LONRF2: variants seen among roughly 807,000 people sequenced by gnomAD.
LONRF2 encodes LON peptidase N-terminal domain and ring finger 2, also known as LON peptidase N-terminal domain and RING finger protein 2.
Under a neutral mutation model 66.6 loss-of-function variants are expected in LONRF2, and 35 were observed. That is an observed-to-expected ratio of 0.53 (90% CI 0.40 to 0.70). The LOEUF (loss-of-function observed/expected upper bound fraction) is 0.70. Among genes scored for constraint, LONRF2 ranks in the 30% least tolerant of loss-of-function variants. The pLI is 0.00. For synonymous variants in LONRF2, 417 were observed against 418.1 expected, an observed-to-expected ratio of 1.00 and a Z score of 0.03; for missense variants, 902 against 1,002.1, an observed-to-expected ratio of 0.90 and a Z score of 1.35.
chr2:100,291,843 T>C (rs1018698404), intron 9 of LONRF2, among the ~76,000 whole-genome samples: 15 of 152,278 alleles, frequency 9.9e-5, no homozygotes, highest in African/African-American at 3.6e-4. Context: ...ACTGTAACTA[T>C]CACCCGTAAC....
Position 100,297,160 on chromosome 2 carries a change from G to A in LONRF2, c.1477-1607C>T, listed in dbSNP as rs188477834. Among the ~76,000 whole-genome samples the A allele has an allele frequency of 3.4e-3, 517 of 150,866 alleles. 2 individuals are homozygous for A. Among genetic ancestry groups the A allele is most frequent in the Non-Finnish European group, 5.8e-3 (390 of 67,774 alleles). On this transcript the variant is annotated intron_variant, in intron 7 of 11. Transcript: ENST00000393437. The stretch of plus-strand genomic sequence containing the variant: ...TTTTTTCTTTTTGAGACAGAGTCTC[G>A]CTCTGTCGCCCGGGCTGGAGTGCAG...
Position 100,280,631 on chromosome 2 carries a change from A to G in LONRF2, c.*3667T>C, listed in dbSNP as rs1025725141. 6.6e-6 allele frequency: 1 copy of G among 152,106 alleles called. No homozygotes were observed. Among genetic ancestry groups the G allele is most frequent in the African/African-American group, 2.4e-5 (1 of 41,404 alleles). 9.4% of individuals were successfully genotyped at this position (152,106 alleles called of 1,614,324 possible). ...TCTACTAAAAAAAAAAAATACAAAA[A>G]TTAGCTGGGTGTGGTGGCGCGTGCC... On this transcript the variant is annotated 3_prime_UTR_variant, in exon 12 of 12. Transcript: ENST00000393437.
rs1280427969 is a variant in LONRF2 at position 100,300,813 on chromosome 2, A to T, written c.922-26T>A. The T allele has an allele frequency of 4.6e-6, 7 of 1,538,168 alleles. No homozygotes were observed. The African/African-American group carries it at 7.0e-5, about 15-fold the overall frequency. ...CTATAAAATTGCCAAGAAAAGAAAA[A>T]ATATATATTTTAAAACACTTTTGTA... On this transcript the variant is annotated intron_variant, in intron 3 of 11. Coordinates refer to ENST00000393437, the MANE Select transcript of LONRF2 (RefSeq NM_198461.4).
intron 2 of LONRF2, among the ~76,000 whole-genome samples, chr2:100,304,641 T>TTTTTA (rs1675254350): frequency 1.3e-5 from 2 of 150,218 alleles, no homozygotes; most frequent in African/African-American, 2.5e-5. Flanking sequence ...TTTTTTTTTT[T>TTTTTA]GAGACAGAGT....
Position 100,283,106 on chromosome 2 carries a change from T to A in LONRF2, c.*1192A>T, listed in dbSNP as rs921071473. The A allele has an allele frequency of 6.6e-6, 1 of 152,146 alleles. No individual in the cohort carries two copies. The highest frequency in any genetic ancestry group is 6.5e-5 in the Admixed American group (1 of 15,278). The allele number at this position is 152,146 out of a possible 1,614,324, so 9.4% of individuals were successfully genotyped here. ...TTGGGCCAGAGAGAACATATGAGTA[T>A]CTCAGATTCAGTTATTCCAATCAAT... is the stretch of plus-strand genomic sequence containing the variant. On this transcript the variant is annotated 3_prime_UTR_variant, in exon 12 of 12. Coordinates refer to ENST00000393437, the MANE Select transcript of LONRF2 (RefSeq NM_198461.4).
Position 100,299,289 on chromosome 2 carries a change from T to C in LONRF2, c.1298A>G (p.Glu433Gly). The C allele has an allele frequency of 6.3e-7, 1 of 1,591,544 alleles. No homozygotes were observed. Among genetic ancestry groups the C allele is most frequent in the Non-Finnish European group, 8.6e-7 (1 of 1,168,388 alleles). ...CGAGAGCCCCTGACTTTCTTCTGTC[T>C]CAGAGTTTGGGCTCCTTTGAAGTGA... ...DLSLQRSPNS[E>G]TEESQGLSLD... The change falls in exon 6 of 12, where the codon GAG (glutamate) becomes GGG (glycine). Residue 433 changes from glutamate to glycine, a missense_variant. Physicochemically the swap from Glu to Gly is moderately conservative, Grantham distance 98 (BLOSUM62 -2). Around this residue, in one of 2 missense-constraint regions of LONRF2, gnomAD observed 317 missense variants for 432.2 expected, o/e 0.73. Coordinates refer to ENST00000393437, the MANE Select transcript of LONRF2 (RefSeq NM_198461.4).
At chr2:100,299,417 C>T (rs757363677) in intron 5 of LONRF2, 98 bp from the exon 6 acceptor site, 9 of 702,230 alleles carry the variant, frequency 1.3e-5, no homozygotes, top group Non-Finnish European at 2.1e-5. Flanking sequence ...CGTGTTGTAT[C>T]AATGTAACAA....
intron 1 of LONRF2, among the ~76,000 whole-genome samples, chr2:100,312,860 C>G (rs551314085): frequency 1.3e-5 from 2 of 152,274 alleles, no homozygotes; most frequent in East Asian, 3.9e-4. Flanking sequence ...AAGGATCCCT[C>G]AAAACTAAGT....
At chr2:100,312,586 A>G (rs549436012) in intron 1 of LONRF2, among the ~76,000 whole-genome samples, 1 of 152,324 alleles carries the variant, frequency 6.6e-6, no homozygotes, top group South Asian at 2.1e-4. Flanking sequence ...TACTCCTCAC[A>G]TTCTAAAGGG....
chr2:100,311,070 G>A (rs1408141954), intron 1 of LONRF2, among the ~76,000 whole-genome samples: 3 of 152,118 alleles, frequency 2.0e-5, no homozygotes, highest in Non-Finnish European at 4.4e-5. Context: ...TAGTAACTGT[G>A]AAAGTGCTGG....
At chr2:100,284,884 T>A (rs1475214882) in intron 11 of LONRF2, among the ~76,000 whole-genome samples, 1 of 152,240 alleles carries the variant, frequency 6.6e-6, no homozygotes, top group Non-Finnish European at 1.5e-5. Flanking sequence ...CATAATATTA[T>A]AAAGGCTAAA....
At position 100,295,446 on chromosome 2, in the gene LONRF2, C is replaced by T. The variant is rs1487167555; in HGVS notation, c.1584G>A (p.Met528Ile). 1 of 1,613,768 alleles carries T rather than the reference C, an allele frequency of 6.2e-7. No individual in the cohort carries two copies. The highest frequency in any genetic ancestry group is 1.3e-5 in the African/African-American group (1 of 75,040). Residue 528 changes from methionine to isoleucine, a missense_variant, in exon 8 of 12, where the codon ATG becomes ATA. Around this residue, in one of 2 missense-constraint regions of LONRF2, gnomAD observed 317 missense variants for 432.2 expected, o/e 0.73. Coordinates refer to ENST00000393437, the MANE Select transcript of LONRF2 (RefSeq NM_198461.4). ...SDRKRIYDEE[M>I]SELSNLTRDV... ...TGAGCACTTACTTTGACAGTTCTGA[C>T]ATTTCTTCATCATAAATTCTCTTCC...
intron 9 of LONRF2, among the ~76,000 whole-genome samples, chr2:100,292,175 C>T (rs991614318): frequency 2.0e-5 from 3 of 152,054 alleles, no homozygotes; most frequent in Non-Finnish European, 4.4e-5. Context: ...AAACTGGAGG[C>T]GCCCTGAAGA....
intron 9 of LONRF2, 22 bp from the exon 10 acceptor site, chr2:100,290,442 A>G: frequency 6.3e-7 from 1 of 1,585,654 alleles, no homozygotes. Flanking sequence ...GTTAGGAGAA[A>G]TGACTGTGAT....
At chr2:100,303,177 C>G in intron 2 of LONRF2, 134 bp from the exon 3 acceptor site, 1 of 895,648 alleles carries the variant, frequency 1.1e-6, no homozygotes, top group Non-Finnish European at 1.6e-6. Flanking sequence ...CAAAGCCCAT[C>G]AAAGGATGAC....
At chr2:100,300,918 T>G in intron 3 of LONRF2, 131 bp from the exon 4 acceptor site, 1 of 694,060 alleles carries the variant, frequency 1.4e-6, no homozygotes, top group Non-Finnish European at 2.2e-6. Flanking sequence ...TAATTTTAAC[T>G]GCCAACCTTT....
intron 2 of LONRF2, among the ~76,000 whole-genome samples, chr2:100,305,340 C>T (rs186394913): frequency 4.8e-4 from 73 of 152,084 alleles, no homozygotes; most frequent in African/African-American, 1.7e-3. Context: ...ACTGTTTTCC[C>T]CTCTGGATTC....
intron 5 of LONRF2, 137 bp from the exon 6 acceptor site, chr2:100,299,456 C>A: frequency 1.7e-6 from 1 of 601,952 alleles, no homozygotes; most frequent in Non-Finnish European, 2.9e-6. Flanking sequence ...AGTTCCTGCC[C>A]AGTTAACAGC....
At chr2:100,319,021 T>C (rs557012213) in intron 1 of LONRF2, among the ~76,000 whole-genome samples, 1 of 151,424 alleles carries the variant, frequency 6.6e-6, no homozygotes, top group South Asian at 2.1e-4. Flanking sequence ...TCCCAGCTAC[T>C]TGGGAGGCTG....
Sources: allele counts gnomAD v4.1 joint callset (sites outside exome capture counted in the v4.1 genomes callset), GRCh38; gene constraint gnomAD v4.1.1; regional missense constraint gnomAD v4.1.1; transcripts MANE v1.5; gene names NCBI Gene and HGNC (gene_info 2026-07-23, HGNC 2026-07-21).